ARID1B: variants seen among roughly 807,000 people sequenced by gnomAD.
The protein encoded by ARID1B is AT-rich interactive domain-containing protein 1B.
Under a neutral mutation model 212.3 loss-of-function variants are expected in ARID1B, and 30 were observed. The observed-to-expected ratio is 0.14, with a 90% CI of 0.11 to 0.19. The LOEUF is 0.19. Among genes scored for constraint, ARID1B ranks in the 10% least tolerant of loss-of-function variants. The pLI is 1.00. For missense variants in ARID1B, 2,891 were observed against 3,204.0 expected (o/e 0.90, Z 2.36); for synonymous variants, 1,402 against 1,301.7 (o/e 1.08, Z -1.66).
intron 2 of ARID1B, among the ~76,000 whole-genome samples, chr6:156,871,831 C>T (rs367963856): frequency 6.6e-6 from 1 of 152,164 alleles, no homozygotes; most frequent in African/African-American, 2.4e-5. Context: ...CAGGTCCTTC[C>T]AGGGCCTCCT....
chr6:156,806,532 T>C (rs550660664), intron 1 of ARID1B, among the ~76,000 whole-genome samples: 9 of 152,238 alleles, frequency 5.9e-5, no homozygotes, highest in Non-Finnish European at 1.3e-4. Flanking sequence ...ACTTTACAGA[T>C]GATTTAATAA....
chr6:156,797,160 C>T (rs867518347), intron 1 of ARID1B, among the ~76,000 whole-genome samples: 1 of 152,168 alleles, frequency 6.6e-6, no homozygotes, highest in South Asian at 2.1e-4. Context: ...TGCTGTGTGG[C>T]AGAGTGTTCT....
upstream of ARID1B, chr6:156,776,561 A>C (rs1778634727): frequency 6.6e-6 from 1 of 152,226 alleles, no homozygotes; most frequent in Non-Finnish European, 1.5e-5. Context: ...CTGTTCTGGC[A>C]CCAAGAGTTA....
chr6:156,916,338 TTC>T (rs1790355453), intron 3 of ARID1B, among the ~76,000 whole-genome samples: 1 of 152,218 alleles, frequency 6.6e-6, no homozygotes, highest in Non-Finnish European at 1.5e-5. Context: ...GTCTGGTTTA[TTC>T]TTCCTGTTGT....
chr6:156,843,303 A>G (rs146355562), intron 2 of ARID1B, among the ~76,000 whole-genome samples: 71 of 152,350 alleles, frequency 4.7e-4, no homozygotes, highest in African/African-American at 1.5e-3. Context: ...TTAAAATACA[A>G]TTTTTAAATT....
intron 3 of ARID1B, among the ~76,000 whole-genome samples, chr6:156,917,015 C>A (rs568537495): frequency 6.6e-6 from 1 of 152,156 alleles, no homozygotes; most frequent in African/African-American, 2.4e-5. Flanking sequence ...TTGGCATCCT[C>A]GCACAACCCT....
chr6:156,790,035 A>G (rs1779910415), intron 1 of ARID1B, among the ~76,000 whole-genome samples: 2 of 152,224 alleles, frequency 1.3e-5, no homozygotes. Context: ...AAATAGGTTT[A>G]TATTTGAAGC....
At chr6:156,824,822 A>G (rs1176696348) in intron 1 of ARID1B, among the ~76,000 whole-genome samples, 2 of 152,218 alleles carry the variant, frequency 1.3e-5, no homozygotes, top group East Asian at 3.9e-4. Context: ...TGCGTATGAG[A>G]AGCAGCTTGG....
chr6:157,181,395 G>T (rs1282857452), intron 12 of ARID1B, among the ~76,000 whole-genome samples: 1 of 152,172 alleles, frequency 6.6e-6, no homozygotes, highest in Non-Finnish European at 1.5e-5. Flanking sequence ...AGCAGGTCAT[G>T]TTCTTGGACC....
In ARID1B at chr6:157,152,588, C is replaced by T. The variant is rs561168393; in HGVS notation, c.3089+3637C>T. 8.5e-5 allele frequency among the ~76,000 whole-genome samples: 13 copies of T among 152,282 alleles called. No individual in the cohort carries two copies. The South Asian group carries it at 1.5e-3, about 17-fold the overall frequency. ...TTTTAAATCTTCCTTCTGTTCACTT[C>T]GCAATGCACATAACCTGTGTTGTGC... On this transcript the variant is annotated intron_variant, in intron 8 of 19. Transcript: ENST00000636930.
At chr6:157,001,381 T>A (rs997272276) in intron 4 of ARID1B, among the ~76,000 whole-genome samples, 2 of 152,286 alleles carry the variant, frequency 1.3e-5, no homozygotes, top group Middle Eastern at 3.4e-3. Flanking sequence ...TGGATAAATA[T>A]GAGAAGTGCA....
At chr6:157,117,585 C>T (rs981730354) in intron 6 of ARID1B, among the ~76,000 whole-genome samples, 8 of 152,322 alleles carry the variant, frequency 5.3e-5, no homozygotes, top group Non-Finnish European at 1.0e-4. Flanking sequence ...CCTCGGTGTT[C>T]ATCCCCTGCC....
chr6:157,076,873 G>T (rs1196884954), intron 4 of ARID1B, among the ~76,000 whole-genome samples: 1 of 152,170 alleles, frequency 6.6e-6, no homozygotes, highest in African/African-American at 2.4e-5. Flanking sequence ...TTCCTCAGTG[G>T]TATTAGGTGA....
chr6:156,957,853 A>C (rs1391364670), intron 4 of ARID1B, among the ~76,000 whole-genome samples: 1 of 152,112 alleles, frequency 6.6e-6, no homozygotes, highest in East Asian at 1.9e-4. Context: ...CAGGATACCC[A>C]TGTGTTGAGT....
rs1043475514 is a variant in ARID1B at position 157,054,697 on chromosome 6, A to C, written c.2248-29965A>C. Among the ~76,000 whole-genome samples, 7 of 152,208 alleles carry C rather than the reference A, an allele frequency of 4.6e-5. No homozygotes were observed. In the South Asian group the frequency reaches 1.2e-3, roughly 27 times the overall value. On this transcript the variant is annotated intron_variant, in intron 4 of 19. Coordinates refer to ENST00000636930, the MANE Select transcript of ARID1B (RefSeq NM_001374828.1). Reference sequence around the variant, plus strand: ...CACATTGAGCTGTGAAAGGCAAAAGAACCACAGCCTAGGCCTACTTACTAG... The same window carrying C: ...CACATTGAGCTGTGAAAGGCAAAAGCACCACAGCCTAGGCCTACTTACTAG...
rs959955435 is a variant in ARID1B, at chr6:157,189,982, T to C, written c.4059-56T>C. The stretch of plus-strand genomic sequence containing the variant: ...AGATGGGTTCATCTTCTGAATGTAC[T>C]GTTTGGAGGTAACTCCTGCTGTATC... On this transcript the variant is annotated intron_variant, in intron 14 of 19. Transcript: ENST00000636930. The C allele has an allele frequency of 1.4e-5, 22 of 1,596,384 alleles. 1 individual carries two copies. In the Middle Eastern group the frequency reaches 2.2e-3, roughly 157 times the overall value.
chr6:157,203,641 TG>T lies in ARID1B; in HGVS notation c.5264-224del, dbSNP rs1794258312. 2 of 558,868 alleles carry T rather than the reference TG, an allele frequency of 3.6e-6. No individual in the cohort carries two copies. Among genetic ancestry groups the T allele is most frequent in the Admixed American group, 3.0e-5 (1 of 33,128 alleles). The allele number at this position is 558,868 out of a possible 1,614,324, so 34.6% of individuals were successfully genotyped here. On this transcript the variant is annotated intron_variant, in intron 18 of 19. Transcript: ENST00000636930. This position sits in a 1 kb window ranked among gnomAD's most constrained non-coding sequence, Gnocchi z 4.4. Reference sequence around the variant, plus strand: ...CACCTCCAGAAGCACTTTCGGCCCCTGCGTGACCAACAAAGCGAGATCTGAA... The same window carrying T: ...CACCTCCAGAAGCACTTTCGGCCCCTCGTGACCAACAAAGCGAGATCTGAA...
In ARID1B at chr6:156,814,891, T is replaced by C. The variant is rs567435978; in HGVS notation, c.1792-14336T>C. ...TTTTTTTTTAATACAACAAATGCTTTTTAGCCTAATCTCCGTTAATTGTGA... is the reference window on the plus strand; with the variant it reads ...TTTTTTTTTAATACAACAAATGCTTCTTAGCCTAATCTCCGTTAATTGTGA... On this transcript the variant is annotated intron_variant, in intron 1 of 19. Coordinates refer to ENST00000636930, the MANE Select transcript of ARID1B (RefSeq NM_001374828.1). Among the ~76,000 whole-genome samples, 3 of 152,298 alleles carry C rather than the reference T, an allele frequency of 2.0e-5. No homozygotes were observed. The East Asian group carries it at 5.8e-4, about 29-fold the overall frequency.
intron 2 of ARID1B, among the ~76,000 whole-genome samples, chr6:156,849,851 G>A (rs983846104): frequency 3.3e-5 from 5 of 151,936 alleles, no homozygotes; most frequent in Admixed American, 3.3e-4. Context: ...ACTGATTATT[G>A]AAGGACAATT....
Sources: allele counts gnomAD v4.1 joint callset (sites outside exome capture counted in the v4.1 genomes callset), GRCh38; gene constraint gnomAD v4.1.1; non-coding constraint Gnocchi (gnomAD v3.1); transcripts MANE v1.5; gene names NCBI Gene and HGNC (gene_info 2026-07-23, HGNC 2026-07-21).